EFHC2: variants seen among roughly 807,000 people sequenced by gnomAD.
The protein encoded by EFHC2 is EF-hand domain-containing family member C2.
EFHC2 carries 18 observed loss-of-function variants against 52.7 expected under a neutral mutation model. The ratio of observed to expected loss-of-function variants is 0.34; its 90% CI spans 0.24 to 0.51. The LOEUF (loss-of-function observed/expected upper bound fraction) is 0.51, where lower values mean the gene tolerates loss of function less well. EFHC2 is among the 20% of genes least tolerant of loss of function. EFHC2 has a pLI of 0.97. For missense variants in EFHC2, 513 were observed against 562.5 expected, an observed-to-expected ratio of 0.91 and a Z score of 0.89; for synonymous variants, 203 against 204.1, an observed-to-expected ratio of 0.99 and a Z score of 0.04.
rs745429201 is a variant in EFHC2, at chrX:44,231,786, G to C, written c.1620+695C>G. On this transcript the variant is annotated intron_variant, in intron 10 of 14. Coordinates refer to ENST00000420999, the MANE Select transcript of EFHC2 (RefSeq NM_025184.4). ...CTTTTAAAATAAAATTTTCCAGATAGATTTTTCCATATTAGGCAATGACTC... is the reference window on the plus strand; with the variant it reads ...CTTTTAAAATAAAATTTTCCAGATACATTTTTCCATATTAGGCAATGACTC... Among the ~76,000 whole-genome samples the C allele has an allele frequency of 4.5e-5, 5 of 112,041 alleles. No individual in the cohort carries two copies. In the Admixed American group the frequency reaches 4.7e-4, roughly 11 times the overall value.
At chrX:44,285,710 C>A (rs2037745011) in intron 2 of EFHC2, 1 of 155,934 alleles carries the variant, frequency 6.4e-6, no homozygotes, top group South Asian at 1.5e-4. Flanking sequence ...AAAAGCCTTA[C>A]GACACCCCAA....
intron 7 of EFHC2, among the ~76,000 whole-genome samples, chrX:44,242,929 T>A (rs1319841778): frequency 1.8e-5 from 2 of 111,900 alleles, no homozygotes; most frequent in Admixed American, 1.9e-4. Context: ...AGACTACAAT[T>A]GCACTCAAAT....
intron 14 of EFHC2, among the ~76,000 whole-genome samples, chrX:44,149,511 TTTTTA>T (rs1316002487): frequency 2.7e-5 from 3 of 111,964 alleles, no homozygotes; most frequent in Non-Finnish European, 1.9e-5. Flanking sequence ...CCAATTTTTA[TTTTTA>T]TTTTATTATT....
intron 8 of EFHC2, among the ~76,000 whole-genome samples, chrX:44,238,287 A>G (rs1424565669): frequency 1.8e-5 from 2 of 110,931 alleles, no homozygotes; most frequent in Non-Finnish European, 3.8e-5. Flanking sequence ...TCCAGGATCC[A>G]CTAATTAATT....
intron 2 of EFHC2, among the ~76,000 whole-genome samples, chrX:44,295,415 G>A (rs1016772066): frequency 9.0e-6 from 1 of 111,508 alleles, no homozygotes; most frequent in African/African-American, 3.3e-5. Context: ...CGGTATGTGG[G>A]GTACTGCAAG....
intron 11 of EFHC2, among the ~76,000 whole-genome samples, chrX:44,209,499 T>C (rs1196128978): frequency 1.8e-5 from 2 of 111,362 alleles, no homozygotes; most frequent in Non-Finnish European, 3.8e-5. Flanking sequence ...AAGATCAATA[T>C]ACAAATATCA....
At chrX:44,235,560 G>C in intron 8 of EFHC2, 113 bp from the exon 9 acceptor site, 1 of 730,240 alleles carries the variant, frequency 1.4e-6, no homozygotes, top group Non-Finnish European at 1.9e-6. Context: ...GGCATAAACT[G>C]TCCAAAGTGA....
At chrX:44,243,146 A>G (rs1051103896) in intron 7 of EFHC2, among the ~76,000 whole-genome samples, 1 of 111,184 alleles carries the variant, frequency 9.0e-6, no homozygotes, top group Non-Finnish European at 1.9e-5. Flanking sequence ...AGGCTGTACA[A>G]TCTCAGAAGC....
chrX:44,290,111 T>C (rs1215980026), intron 2 of EFHC2, among the ~76,000 whole-genome samples: 1 of 112,392 alleles, frequency 8.9e-6, no homozygotes, highest in Non-Finnish European at 1.9e-5. Context: ...ATGTTAGAGC[T>C]CAATCCTCTG....
chrX:44,245,685 A>T (rs752590343), intron 7 of EFHC2, among the ~76,000 whole-genome samples: 30 of 112,364 alleles, frequency 2.7e-4, no homozygotes, highest in African/African-American at 9.4e-4. Flanking sequence ...TGAAGGAATC[A>T]TCTTAAGAGA....
At chrX:44,338,160 G>T (rs1363958096) in intron 1 of EFHC2, among the ~76,000 whole-genome samples, 1 of 111,057 alleles carries the variant, frequency 9.0e-6, no homozygotes, top group African/African-American at 3.3e-5. Flanking sequence ...ATAGTTAGTG[G>T]TTAATTTCAT....
intron 11 of EFHC2, among the ~76,000 whole-genome samples, chrX:44,202,011 G>A (rs1391419104): frequency 1.8e-5 from 2 of 111,243 alleles, no homozygotes; most frequent in African/African-American, 6.5e-5. Flanking sequence ...ATGTTGCATT[G>A]TAGGCCCTAG....
intron 1 of EFHC2, among the ~76,000 whole-genome samples, chrX:44,319,042 C>T (rs1360159375): frequency 9.9e-5 from 10 of 100,691 alleles, no homozygotes; most frequent in South Asian, 4.8e-4. Flanking sequence ...TCACTCTTGT[C>T]GCCCAGGCCG....
At chrX:44,273,275 A>C (rs1236020283) in intron 2 of EFHC2, among the ~76,000 whole-genome samples, 2 of 112,401 alleles carry the variant, frequency 1.8e-5, no homozygotes, top group East Asian at 5.6e-4. Flanking sequence ...GTTAGTCCTG[A>C]TGATTGCTTG....
chrX:44,248,668 C>T (rs1472192258), intron 6 of EFHC2, 135 bp downstream of exon 6: 6 of 533,858 alleles, frequency 1.1e-5, no homozygotes, highest in Non-Finnish European at 1.8e-5. Context: ...TGATAAATAG[C>T]AGTACAATGC....
At chrX:44,311,485 T>C in intron 2 of EFHC2, among the ~76,000 whole-genome samples, 1 of 112,104 alleles carries the variant, frequency 8.9e-6, no homozygotes, top group Middle Eastern at 4.6e-3. Context: ...AATTACAGGA[T>C]CTAAAATAAT....
At chrX:44,326,233 G>T (rs2038050964) in intron 1 of EFHC2, among the ~76,000 whole-genome samples, 1 of 110,810 alleles carries the variant, frequency 9.0e-6, no homozygotes, top group Non-Finnish European at 1.9e-5. Context: ...TTAAAGGCTG[G>T]AAAGGGGAAG....
At chrX:44,165,587 C>T (rs1303915833) in intron 13 of EFHC2, among the ~76,000 whole-genome samples, 4 of 111,773 alleles carry the variant, frequency 3.6e-5, no homozygotes, top group Non-Finnish European at 3.8e-5. Flanking sequence ...TTTTTTAGCA[C>T]AGAGCCTTGA....
At chrX:44,265,869 T>C (rs2037572546) in intron 3 of EFHC2, among the ~76,000 whole-genome samples, 1 of 111,999 alleles carries the variant, frequency 8.9e-6, no homozygotes, top group South Asian at 3.7e-4. Flanking sequence ...ACAAGAATAA[T>C]TATTTTTATA....
Sources: allele counts gnomAD v4.1 joint callset (sites outside exome capture counted in the v4.1 genomes callset), GRCh38; gene constraint gnomAD v4.1.1; transcripts MANE v1.5; gene names NCBI Gene and HGNC (gene_info 2026-07-23, HGNC 2026-07-21).